Variants in WDR33 observed in about 807,000 individuals in gnomAD.
The protein encoded by WDR33 is pre-mRNA 3' end processing protein WDR33.
A neutral mutation model predicts 164.9 loss-of-function variants in WDR33; 47 were observed. The observed-to-expected ratio is 0.29, with a 90% CI of 0.23 to 0.36. WDR33 has a LOEUF of 0.36. WDR33 is among the 10% of genes least tolerant of loss of function. The probability of loss-of-function intolerance (pLI) is 1.00; values close to 1 mark genes in which losing one functional copy is unlikely to be tolerated. For missense variants in WDR33, 1,137 were observed against 1,754.1 expected (o/e 0.65, Z 6.28); for synonymous variants, 505 against 589.0 (o/e 0.86, Z 2.06).
rs565151453 is a variant in WDR33, at chr2:127,701,410, C to T, written c.*4913G>A. ...GCAGGCACCGCGGCACTTCCGCGAG[C>T]GCCGCAGGCCCTGCCCCTTTCGCCG... On this transcript the variant is annotated 3_prime_UTR_variant, in exon 22 of 22. Transcript: ENST00000322313. 134 of 1,015,446 alleles carry T rather than the reference C, an allele frequency of 1.3e-4. No homozygotes were observed. The African/African-American group carries it at 2.1e-3, about 16-fold the overall frequency. The allele number at this position is 1,015,446 out of a possible 1,614,324, so 62.9% of individuals were successfully genotyped here. A position where few individuals can be genotyped will look rare whatever the true frequency, so the allele number is the denominator to read the frequency against.
intron 1 of WDR33, among the ~76,000 whole-genome samples, chr2:127,801,196 TTTGC>T (rs1049338668): frequency 4.1e-4 from 61 of 150,006 alleles, no homozygotes; most frequent in African/African-American, 1.4e-3. Flanking sequence ...AGGCAGGAGG[TTTGC>T]TTGAGCCCGG....
At chr2:127,807,574 G>A (rs1689484807) in intron 1 of WDR33, among the ~76,000 whole-genome samples, 1 of 152,210 alleles carries the variant, frequency 6.6e-6, no homozygotes, top group Admixed American at 6.6e-5. Flanking sequence ...ATGAATAAAT[G>A]AGAGTCACTG....
rs1686423004 is a variant in WDR33 at position 127,720,952 on chromosome 2, T to C, written c.1672-599A>G. Among the ~76,000 whole-genome samples, 1 of 152,154 alleles carries C rather than the reference T, an allele frequency of 6.6e-6. No individual in the cohort carries two copies. Among genetic ancestry groups the C allele is most frequent in the African/African-American group, 2.4e-5 (1 of 41,428 alleles). On this transcript the variant is annotated intron_variant, in intron 15 of 21. Coordinates refer to ENST00000322313, the MANE Select transcript of WDR33 (RefSeq NM_018383.5). The surrounding 1 kb of genome is among the most constrained non-coding windows in gnomAD (Gnocchi z 5.9). ...TGGTAGCTAACATAGATAAGAAAAA[T>C]AAGAACAAGCTACCTGCTATATGAG...
At position 127,791,439 on chromosome 2, in the gene WDR33, G is replaced by A. The variant is rs148885893; in HGVS notation, c.-24+19573C>T. Among the ~76,000 whole-genome samples, 8 of 152,222 alleles carry A rather than the reference G, an allele frequency of 5.3e-5. No homozygotes were observed. In the East Asian group the frequency reaches 1.5e-3, roughly 29 times the overall value. ...TAGTTTTTCACAGTTCTAGAAGCTG[G>A]AAGTCCAAGATCAAGGTGCCAGCAT... On this transcript the variant is annotated intron_variant, in intron 1 of 21. Coordinates refer to ENST00000322313, the MANE Select transcript of WDR33 (RefSeq NM_018383.5).
At chr2:127,789,584 G>A (rs1027862325) in intron 1 of WDR33, among the ~76,000 whole-genome samples, 3 of 149,244 alleles carry the variant, frequency 2.0e-5, no homozygotes, top group African/African-American at 7.3e-5. Context: ...GCAGGCACTC[G>A]GCAGGCTGAG....
In WDR33 at chr2:127,709,457, TAG is replaced by T; in HGVS notation, c.3565+31_3565+32del. ...AGAACTCACTTTGTGAACTGCAGTC[TAG>T]AGTTACCCAACAAGCGGTTCTTTTC... On this transcript the variant is annotated intron_variant, in intron 20 of 21. Transcript: ENST00000322313. The surrounding 1 kb of genome is among the most constrained non-coding windows in gnomAD (Gnocchi z 5.0). 1 of 1,607,900 alleles carries T rather than the reference TAG, an allele frequency of 6.2e-7. No individual in the cohort carries two copies. Among genetic ancestry groups the T allele is most frequent in the Non-Finnish European group, 8.5e-7 (1 of 1,174,616 alleles).
rs781330188 is a variant in WDR33, at chr2:127,720,166, G to A, written c.1859C>T (p.Pro620Leu). The A allele has an allele frequency of 1.9e-6, 3 of 1,613,784 alleles. No individual in the cohort carries two copies. In the Admixed American group the frequency reaches 5.0e-5, roughly 27 times the overall value. Reference protein sequence around the residue: ...MPMNMAQMGPPGPQGQFRPPG... With the variant: ...MPMNMAQMGPLGPQGQFRPPG... ...AGGCCTAAACTGTCCCTGTGGACCT[G>A]GAGGCCCCATTTGAGCCATGTTCAT... is the stretch of plus-strand genomic sequence containing the variant. The change falls in exon 16 of 22, where the codon CCA (proline) becomes CTA (leucine). Residue 620 changes from proline (P) to leucine (L), a missense_variant. By Grantham distance (98) the Pro-to-Leu change is moderately conservative. Coordinates refer to ENST00000322313, the MANE Select transcript of WDR33 (RefSeq NM_018383.5). The surrounding 1 kb of genome is among the most constrained non-coding windows in gnomAD (Gnocchi z 5.9).
At chr2:127,747,400 C>G (rs1034383288) in intron 7 of WDR33, among the ~76,000 whole-genome samples, 2 of 151,410 alleles carry the variant, frequency 1.3e-5, no homozygotes, top group East Asian at 3.9e-4. Flanking sequence ...TCAGTTTGGT[C>G]CAAATCAACA....
At chr2:127,728,891 C>G (rs1334295930) in intron 7 of WDR33, among the ~76,000 whole-genome samples, 1 of 152,198 alleles carries the variant, frequency 6.6e-6, no homozygotes, top group East Asian at 1.9e-4. Context: ...ACATAAAGAA[C>G]GTATGTCTGT....
chr2:127,760,927 T>A (rs1042857728), intron 7 of WDR33, among the ~76,000 whole-genome samples: 1 of 152,202 alleles, frequency 6.6e-6, no homozygotes, highest in Non-Finnish European at 1.5e-5. Context: ...CTCTCATTTA[T>A]GATTCAGCAT....
At chr2:127,800,752 T>C (rs1279503401) in intron 1 of WDR33, among the ~76,000 whole-genome samples, 1 of 152,110 alleles carries the variant, frequency 6.6e-6, no homozygotes, top group Non-Finnish European at 1.5e-5. Context: ...CTGTAAACTG[T>C]ACTTGGCCCT....
intron 1 of WDR33, among the ~76,000 whole-genome samples, chr2:127,798,381 AAAAAAAAAAAAAAAT>A (rs1198276130): frequency 1.4e-5 from 2 of 146,346 alleles, no homozygotes; most frequent in Non-Finnish European, 3.0e-5. Context: ...AAAAAAAAAA[AAAAAAAAAAAAAAAT>A]GAATTTAAAA....
chr2:127,749,928 C>T (rs928063735), intron 7 of WDR33, among the ~76,000 whole-genome samples: 6 of 151,466 alleles, frequency 4.0e-5, no homozygotes, highest in Admixed American at 2.6e-4. Flanking sequence ...CTCCACCTCT[C>T]GGGTTCACAC....
chr2:127,797,011 A>T (rs907318412), intron 1 of WDR33, among the ~76,000 whole-genome samples: 4 of 152,018 alleles, frequency 2.6e-5, no homozygotes, highest in Admixed American at 2.6e-4. Flanking sequence ...ATCAATACTC[A>T]CAGTGCACCA....
At chr2:127,772,001 T>C (rs566952641) in intron 1 of WDR33, among the ~76,000 whole-genome samples, 3 of 152,268 alleles carry the variant, frequency 2.0e-5, no homozygotes, top group Admixed American at 6.5e-5. Flanking sequence ...ACTTTTTCTT[T>C]TTTTTCTCCT....
intron 1 of WDR33, among the ~76,000 whole-genome samples, chr2:127,776,342 C>T (rs1388653829): frequency 2.0e-5 from 3 of 152,192 alleles, no homozygotes; most frequent in African/African-American, 7.2e-5. Context: ...AATCCACCCC[C>T]GCACCCAGTC....
At chr2:127,792,099 C>T (rs529551147) in intron 1 of WDR33, among the ~76,000 whole-genome samples, 19 of 151,874 alleles carry the variant, frequency 1.3e-4, no homozygotes, top group South Asian at 1.0e-3. Context: ...CCACCACGCC[C>T]GGCTAATTTT....
At chr2:127,768,866 C>T (rs1009539728) in intron 3 of WDR33, 67 bp downstream of exon 3, 5 of 1,234,428 alleles carry the variant, frequency 4.1e-6, no homozygotes, top group Middle Eastern at 1.9e-4. Flanking sequence ...TGAAGTCACA[C>T]AGTGAAGGCT....
Position 127,770,221 on chromosome 2 carries a change from A to C in WDR33, c.204+557T>G, listed in dbSNP as rs1027988271. ...CTTTTAGAGCAAATCCTATTTCTAA[A>C]ATGGAGTCTAACTTTAATAATTTTT... On this transcript the variant is annotated intron_variant, in intron 2 of 21. Transcript: ENST00000322313. The surrounding 1 kb of genome is among the most constrained non-coding windows in gnomAD (Gnocchi z 4.9). Among the ~76,000 whole-genome samples the C allele has an allele frequency of 3.3e-5, 5 of 152,200 alleles. No homozygotes were observed. Among genetic ancestry groups the C allele is most frequent in the Middle Eastern group, 3.2e-3 (1 of 316 alleles).
Sources: allele counts gnomAD v4.1 joint callset (sites outside exome capture counted in the v4.1 genomes callset), GRCh38; gene constraint gnomAD v4.1.1; non-coding constraint Gnocchi (gnomAD v3.1); transcripts MANE v1.5; gene names NCBI Gene and HGNC (gene_info 2026-07-23, HGNC 2026-07-21).